The following PARVA variants were observed in gnomAD, a reference collection of about 807,000 sequenced individuals.
The protein encoded by PARVA is alpha-parvin.
A neutral mutation model predicts 52.6 loss-of-function variants in PARVA; 25 were observed. That is an observed-to-expected ratio of 0.48 (90% CI 0.35 to 0.66). The LOEUF (loss-of-function observed/expected upper bound fraction) is 0.66. Among genes scored for constraint, PARVA ranks in the 30% least tolerant of loss-of-function variants. The pLI is 0.01. For synonymous variants in PARVA, 185 were observed against 179.1 expected, an observed-to-expected ratio of 1.03 and a Z score of -0.26; for missense variants, 373 against 450.9, an observed-to-expected ratio of 0.83 and a Z score of 1.56.
intron 5 of PARVA, among the ~76,000 whole-genome samples, chr11:12,502,129 C>T (rs995829606): frequency 2.0e-5 from 3 of 152,076 alleles, no homozygotes; most frequent in Non-Finnish European, 2.9e-5. Context: ...GTTAACAAGG[C>T]CCGAAAGCCC....
intron 1 of PARVA, among the ~76,000 whole-genome samples, chr11:12,399,273 A>G (rs548846781): frequency 6.6e-6 from 1 of 152,384 alleles, no homozygotes; most frequent in East Asian, 1.9e-4. Flanking sequence ...AAAAATTTTG[A>G]ACATATGGAA....
intron 1 of PARVA, among the ~76,000 whole-genome samples, chr11:12,426,609 T>A (rs925693358): frequency 8.5e-5 from 13 of 152,220 alleles, no homozygotes; most frequent in African/African-American, 2.9e-4. Context: ...CTTTTAATTA[T>A]GGGATTTTAA....
chr11:12,381,384 G>T (rs780684173), intron 1 of PARVA, among the ~76,000 whole-genome samples: 4 of 152,158 alleles, frequency 2.6e-5, no homozygotes, highest in Non-Finnish European at 5.9e-5. Flanking sequence ...CCATCAGTCT[G>T]TCCACAGATT....
intron 5 of PARVA, among the ~76,000 whole-genome samples, chr11:12,498,752 T>G (rs1185806666): frequency 2.0e-5 from 3 of 151,840 alleles, no homozygotes; most frequent in Non-Finnish European, 4.4e-5. Flanking sequence ...CTTTCGTATT[T>G]TTAGTAGAGA....
chr11:12,471,738 G>A (rs1389659912), intron 1 of PARVA, among the ~76,000 whole-genome samples: 1 of 152,224 alleles, frequency 6.6e-6, no homozygotes, highest in Non-Finnish European at 1.5e-5. Flanking sequence ...TACTTGAAAT[G>A]TGGTTGGTGC....
intron 1 of PARVA, among the ~76,000 whole-genome samples, chr11:12,406,125 CAA>C (rs976087126): frequency 1.3e-5 from 2 of 152,194 alleles, no homozygotes; most frequent in African/African-American, 4.8e-5. Flanking sequence ...TACACACACA[CAA>C]ACACACATTG....
chr11:12,491,782 T>C (rs1412741729), intron 4 of PARVA, among the ~76,000 whole-genome samples: 1 of 152,210 alleles, frequency 6.6e-6, no homozygotes, highest in African/African-American at 2.4e-5. Context: ...CTTCTCTTAA[T>C]AACATATTAA....
chr11:12,452,714 A>C (rs1451299046), intron 1 of PARVA: 1 of 231,878 alleles, frequency 4.3e-6, no homozygotes, highest in East Asian at 9.7e-5. Context: ...ACAAGCAGGC[A>C]CTTCAGATTT....
At chr11:12,445,887 A>G (rs1352471879) in intron 1 of PARVA, among the ~76,000 whole-genome samples, 5 of 152,226 alleles carry the variant, frequency 3.3e-5, no homozygotes, top group Admixed American at 2.6e-4. Flanking sequence ...AAATATGGTC[A>G]GTGTATCCCT....
intron 12 of PARVA, among the ~76,000 whole-genome samples, chr11:12,526,859 T>C (rs1276066754): frequency 1.3e-5 from 2 of 150,446 alleles, no homozygotes; most frequent in South Asian, 2.1e-4. Context: ...GGGGGTCTTG[T>C]TGGGGGAGGG....
chr11:12,446,050 TACACACC>T (rs1940542703), intron 1 of PARVA, among the ~76,000 whole-genome samples: 1 of 137,626 alleles, frequency 7.3e-6, no homozygotes, highest in African/African-American at 2.5e-5. Context: ...TAAAAAAAAA[TACACACC>T]TTTTTTTGTA....
Position 12,420,888 on chromosome 11 carries a change from C to G in PARVA, c.136+43105C>G, listed in dbSNP as rs560474106. Among the ~76,000 whole-genome samples, 9 of 152,252 alleles carry G rather than the reference C, an allele frequency of 5.9e-5. No individual in the cohort carries two copies. In the South Asian group the frequency reaches 1.9e-3, roughly 32 times the overall value. ...AAGTCCAGGCGGTAGAGTCCAGAGC[C>G]TGTCCTCTTCACACCACCCCACCCA... On this transcript the variant is annotated intron_variant, in intron 1 of 12. Transcript: ENST00000334956.
intron 1 of PARVA, 99 bp from the exon 2 acceptor site, chr11:12,473,646 T>C (rs1940962757): frequency 1.1e-6 from 1 of 886,358 alleles, no homozygotes; most frequent in Non-Finnish European, 1.8e-6. Context: ...CCTTAGTGGG[T>C]TTTTTTCTCA....
intron 1 of PARVA, among the ~76,000 whole-genome samples, chr11:12,467,809 T>C (rs1940874320): frequency 6.6e-6 from 1 of 152,212 alleles, no homozygotes. Context: ...GAATGGTTTT[T>C]TGCAAGTACA....
In PARVA at chr11:12,510,028, T is replaced by A. The variant is rs370076522; in HGVS notation, c.716+1386T>A. Among the ~76,000 whole-genome samples the A allele has an allele frequency of 2.4e-4, 37 of 152,346 alleles. 1 individual carries two copies. The East Asian group carries it at 2.5e-3, about 10-fold the overall frequency. On this transcript the variant is annotated intron_variant, in intron 7 of 12. Transcript: ENST00000334956. ...ACAATCTCTCGGATGCATGTTATGC[T>A]TTCTATGGTCCCTCTCTCTGCCACA...
intron 1 of PARVA, among the ~76,000 whole-genome samples, chr11:12,420,043 T>G (rs1397629554): frequency 2.0e-5 from 3 of 152,228 alleles, no homozygotes; most frequent in African/African-American, 7.2e-5. Context: ...ATGTTCCGAA[T>G]ACATACGTAG....
intron 9 of PARVA, chr11:12,513,661 CCGA>C: frequency 1.7e-6 from 1 of 603,586 alleles, no homozygotes; most frequent in Non-Finnish European, 3.0e-6. Flanking sequence ...GGCACCTGTG[CCGA>C]AGAAGGGACA....
chr11:12,425,198 A>G (rs767541024), intron 1 of PARVA, among the ~76,000 whole-genome samples: 16 of 152,172 alleles, frequency 1.1e-4, no homozygotes, highest in Non-Finnish European at 1.9e-4. Context: ...TTTCCCTAAC[A>G]GTTTCTCTGT....
chr11:12,519,436 C>T (rs191784439), intron 12 of PARVA, among the ~76,000 whole-genome samples: 28 of 152,226 alleles, frequency 1.8e-4, no homozygotes, highest in Non-Finnish European at 2.6e-4. Context: ...CCTCAAGGCA[C>T]GTGTAGCCAA....
Sources: allele counts gnomAD v4.1 joint callset (sites outside exome capture counted in the v4.1 genomes callset), GRCh38; gene constraint gnomAD v4.1.1; transcripts MANE v1.5; gene names NCBI Gene and HGNC (gene_info 2026-07-23, HGNC 2026-07-21).